The following PTPN2 variants were observed in gnomAD, a reference collection of about 807,000 sequenced individuals.
The protein encoded by PTPN2 is protein tyrosine phosphatase non-receptor type 2.
Under a neutral mutation model 57.3 loss-of-function variants are expected in PTPN2, and 19 were observed. The ratio of observed to expected loss-of-function variants is 0.33; its 90% CI spans 0.23 to 0.49. PTPN2 has a LOEUF of 0.49. PTPN2 is among the 20% of genes least tolerant of loss of function. The pLI, the probability that PTPN2 is intolerant of heterozygous loss-of-function variation, is 0.99. For synonymous variants in PTPN2, 153 were observed against 164.9 expected, an observed-to-expected ratio of 0.93 and a Z score of 0.55; for missense variants, 358 against 501.1, an observed-to-expected ratio of 0.71 and a Z score of 2.73.
chr18:12,873,080 G>A (rs35580406), intron 1 of PTPN2, among the ~76,000 whole-genome samples: 5,509 of 152,238 alleles, frequency 0.036, 151 homozygotes, highest in Non-Finnish European at 0.054. Flanking sequence ...AATTAGCTGG[G>A]TGTGGTGGCG....
intron 1 of PTPN2, among the ~76,000 whole-genome samples, chr18:12,865,099 T>C (rs2043945284): frequency 6.6e-6 from 1 of 152,162 alleles, no homozygotes. Context: ...AAGGATATCT[T>C]TAAGCAGACA....
intron 3 of PTPN2, among the ~76,000 whole-genome samples, chr18:12,835,069 T>C (rs1322163959): frequency 6.6e-6 from 1 of 152,114 alleles, no homozygotes; most frequent in Non-Finnish European, 1.5e-5. Context: ...TCCGACCCGT[T>C]TTTGGTTGAA....
At position 12,856,935 on chromosome 18, in the gene PTPN2, C is replaced by T. The variant is rs527942184; in HGVS notation, c.160+2229G>A. ...ATAAGCCGGGCATGGTGGTGCACAC[C>T]TGTAATCCCAGCTACTTGGGAGGCT... On this transcript the variant is annotated intron_variant, in intron 2 of 8. Coordinates refer to ENST00000309660, the MANE Select transcript of PTPN2 (RefSeq NM_002828.4). Among the ~76,000 whole-genome samples, 34 of 151,746 alleles carry T rather than the reference C, an allele frequency of 2.2e-4. 1 individual carries two copies. The South Asian group carries it at 6.9e-3, about 31-fold the overall frequency.
chr18:12,855,612 G>A (rs1315609400), intron 2 of PTPN2, among the ~76,000 whole-genome samples: 1 of 152,150 alleles, frequency 6.6e-6, no homozygotes, highest in Non-Finnish European at 1.5e-5. Context: ...ATGGTGAGGA[G>A]CTCTGAGAGA....
chr18:12,839,502 C>A (rs1186623231), intron 2 of PTPN2: 1 of 152,144 alleles, frequency 6.6e-6, no homozygotes, highest in Non-Finnish European at 1.5e-5. Flanking sequence ...TATACTTTAC[C>A]ATCCTTGTAA....
chr18:12,859,440 A>T (rs954337714), intron 1 of PTPN2, among the ~76,000 whole-genome samples, 186 bp from the exon 2 acceptor site: 1 of 152,204 alleles, frequency 6.6e-6, no homozygotes, highest in Non-Finnish European at 1.5e-5. Flanking sequence ...CTTCCCCATT[A>T]TATCTGTGAG....
chr18:12,857,335 C>T (rs554480249), intron 2 of PTPN2, among the ~76,000 whole-genome samples: 3 of 151,876 alleles, frequency 2.0e-5, no homozygotes, highest in East Asian at 1.9e-4. Flanking sequence ...AGAACTTACA[C>T]GCACACACAA....
At chr18:12,848,174 TAAGA>T (rs1474162180) in intron 2 of PTPN2, among the ~76,000 whole-genome samples, 3 of 152,256 alleles carry the variant, frequency 2.0e-5, no homozygotes, top group African/African-American at 7.2e-5. Context: ...CTGCTATTAC[TAAGA>T]AAGATGACAA....
intron 7 of PTPN2, among the ~76,000 whole-genome samples, chr18:12,804,444 A>C (rs2041561129): frequency 6.6e-6 from 1 of 151,930 alleles, no homozygotes; most frequent in African/African-American, 2.4e-5. Flanking sequence ...AAAAAAAAGA[A>C]ACGAAAGATC....
chr18:12,793,719 T>C lies in PTPN2; in HGVS notation c.*559A>G. Reference sequence around the variant, plus strand: ...TACAATTTATTTTTTTAGTAACAGATTTTTCAAATTGAGCTCTTAAAAAGT... The same window carrying C: ...TACAATTTATTTTTTTAGTAACAGACTTTTCAAATTGAGCTCTTAAAAAGT... On this transcript the variant is annotated 3_prime_UTR_variant, in exon 9 of 9. Coordinates refer to ENST00000309660, the MANE Select transcript of PTPN2 (RefSeq NM_002828.4). 9 of 969,788 alleles carry C rather than the reference T, an allele frequency of 9.3e-6. No individual in the cohort carries two copies. Among genetic ancestry groups the C allele is most frequent in the Non-Finnish European group, 1.1e-5 (9 of 815,160 alleles). 60.1% of individuals were successfully genotyped at this position (969,788 alleles called of 1,614,324 possible).
At chr18:12,829,290 C>G (rs1173228932) in intron 4 of PTPN2, among the ~76,000 whole-genome samples, 1 of 152,004 alleles carries the variant, frequency 6.6e-6, no homozygotes, top group Non-Finnish European at 1.5e-5. Context: ...CCGAGGTGGG[C>G]GTATCACTTG....
rs1192587258 is a variant in PTPN2, at chr18:12,793,552, T to C, written c.*726A>G. 1.7e-5 allele frequency: 17 copies of C among 980,444 alleles called. No individual in the cohort carries two copies. The highest frequency in any genetic ancestry group is 2.1e-5 in the Non-Finnish European group (17 of 824,974). 60.7% of individuals were successfully genotyped at this position (980,444 alleles called of 1,614,324 possible). A position where few individuals can be genotyped will look rare whatever the true frequency, so the allele number is the denominator to read the frequency against. On this transcript the variant is annotated 3_prime_UTR_variant, in exon 9 of 9. Coordinates refer to ENST00000309660, the MANE Select transcript of PTPN2 (RefSeq NM_002828.4). Reference sequence around the variant, plus strand: ...GAAAAACTTTTGTTTCTTTGTTTGCTTTTCTTTTTAAAATGGGGAAAACTG... The same window carrying C: ...GAAAAACTTTTGTTTCTTTGTTTGCCTTTCTTTTTAAAATGGGGAAAACTG...
At chr18:12,840,740 T>A in intron 2 of PTPN2, 1 of 1,598,478 alleles carries the variant, frequency 6.3e-7, no homozygotes, top group Non-Finnish European at 8.5e-7. Context: ...GCATTCCATG[T>A]CTCCCTGATC....
intron 6 of PTPN2, among the ~76,000 whole-genome samples, chr18:12,815,131 A>G (rs2042028014): frequency 7.4e-6 from 1 of 134,610 alleles, no homozygotes; most frequent in South Asian, 2.3e-4. Context: ...TAAATAAATA[A>G]ATAAAAATGT....
rs761040190 is a variant in PTPN2, at chr18:12,792,779, T to C, written c.*1499A>G. ...CTAATTTTTGCATTTTTAGTAGAGA[T>C]GGTGTTTCACCACGTTGGCCAGGCT... On this transcript the variant is annotated 3_prime_UTR_variant, in exon 9 of 9. Coordinates refer to ENST00000309660, the MANE Select transcript of PTPN2 (RefSeq NM_002828.4). 3.0e-5 allele frequency: 11 copies of C among 371,466 alleles called. No homozygotes were observed. Among genetic ancestry groups the C allele is most frequent in the African/African-American group, 1.8e-4 (8 of 45,214 alleles). 23.0% of individuals were successfully genotyped at this position (371,466 alleles called of 1,614,324 possible). A position where few individuals can be genotyped will look rare whatever the true frequency, so the allele number is the denominator to read the frequency against.
At chr18:12,860,072 G>C (rs2043739454) in intron 1 of PTPN2, among the ~76,000 whole-genome samples, 1 of 151,688 alleles carries the variant, frequency 6.6e-6, no homozygotes, top group South Asian at 2.1e-4. Flanking sequence ...GGAATCACCT[G>C]AGGTCAGGAG....
At chr18:12,796,659 G>C (rs2041201828) in intron 8 of PTPN2, among the ~76,000 whole-genome samples, 1 of 152,110 alleles carries the variant, frequency 6.6e-6, no homozygotes, top group Non-Finnish European at 1.5e-5. Flanking sequence ...GAGAACACAT[G>C]TCCATGCAAA....
intron 2 of PTPN2, among the ~76,000 whole-genome samples, chr18:12,845,935 G>A (rs2043190819): frequency 6.6e-6 from 1 of 152,134 alleles, no homozygotes; most frequent in Admixed American, 6.6e-5. Flanking sequence ...CACCATTCAA[G>A]TTCTACCAAC....
intron 5 of PTPN2, among the ~76,000 whole-genome samples, chr18:12,818,443 T>C (rs915542106): frequency 3.9e-5 from 6 of 152,328 alleles, no homozygotes; most frequent in Non-Finnish European, 8.8e-5. Context: ...GCTAAATGTT[T>C]CCTGTCTCTT....
Sources: gnomAD v4.1 joint callset for allele counts (sites outside exome capture counted in the v4.1 genomes callset) on GRCh38, gnomAD v4.1.1 for gene constraint, MANE v1.5 for transcripts, NCBI Gene and HGNC (gene_info 2026-07-23, HGNC 2026-07-21) for gene names.